The following APBA1 variants were observed in gnomAD, a reference collection of about 807,000 sequenced individuals.
APBA1 encodes amyloid-beta A4 precursor protein-binding family A member 1.
In APBA1, 55 loss-of-function variants were observed where a neutral mutation model predicts 86.6. That is an observed-to-expected ratio of 0.64 (90% CI 0.51 to 0.80). The LOEUF (loss-of-function observed/expected upper bound fraction) is 0.80. Among genes scored for constraint, APBA1 ranks in the 30% least tolerant of loss-of-function variants. APBA1 has a pLI of 0.00. For missense variants in APBA1, 1,090 were observed against 1,183.0 expected, an observed-to-expected ratio of 0.92 and a Z score of 1.15; for synonymous variants, 511 against 493.9, an observed-to-expected ratio of 1.03 and a Z score of -0.46.
intron 10 of APBA1, among the ~76,000 whole-genome samples, chr9:69,444,800 G>A (rs1834881379): frequency 6.6e-6 from 1 of 152,152 alleles, no homozygotes; most frequent in South Asian, 2.1e-4. Context: ...CGAATCACTT[G>A]TCATGTGCCA....
chr9:69,649,418 C>T lies in APBA1; in HGVS notation c.-70+22735G>A, dbSNP rs150392502. 7.1e-3 allele frequency among the ~76,000 whole-genome samples: 1,082 copies of T among 152,276 alleles called. 16 individuals carry two copies. Among genetic ancestry groups the T allele is most frequent in the African/African-American group, 0.025 (1,027 of 41,538 alleles). ...CCACACTGTCTGCTTCAGACACACCCTCTCCCTTCTGCCCAGAGTCACTTA... is the reference window on the plus strand; with the variant it reads ...CCACACTGTCTGCTTCAGACACACCTTCTCCCTTCTGCCCAGAGTCACTTA... On this transcript the variant is annotated intron_variant, in intron 1 of 12. Coordinates refer to ENST00000265381, the MANE Select transcript of APBA1 (RefSeq NM_001163.4).
At chr9:69,625,126 T>C (rs1001164548) in intron 1 of APBA1, among the ~76,000 whole-genome samples, 1 of 152,198 alleles carries the variant, frequency 6.6e-6, no homozygotes, top group African/African-American at 2.4e-5. Flanking sequence ...TTGGGACCAC[T>C]TTCCCCATTC....
chr9:69,492,075 A>G (rs1835722667), intron 2 of APBA1, among the ~76,000 whole-genome samples: 1 of 152,100 alleles, frequency 6.6e-6, no homozygotes. Context: ...GTGCCTTGAA[A>G]TGTTTTTAAT....
In APBA1 at chr9:69,431,290, G is replaced by A. The variant is rs766059612; in HGVS notation, c.*37C>T. ...GCACGAGAAACACAACCACGAAGAG[G>A]AGAGTCCTCCATGCATGCCACCGCG... is the stretch of plus-strand genomic sequence containing the variant. On this transcript the variant is annotated 3_prime_UTR_variant, in exon 13 of 13. Transcript: ENST00000265381. 6.5e-6 allele frequency: 10 copies of A among 1,530,618 alleles called. No homozygotes were observed. The Admixed American group carries it at 1.2e-4, about 18-fold the overall frequency. The allele number at this position is 1,530,618 out of a possible 1,614,324, so 94.8% of individuals were successfully genotyped here. A position where few individuals can be genotyped will look rare whatever the true frequency, so the allele number is the denominator to read the frequency against.
chr9:69,581,653 G>T (rs1821914826), intron 1 of APBA1, among the ~76,000 whole-genome samples: 1 of 152,166 alleles, frequency 6.6e-6, no homozygotes, highest in Non-Finnish European at 1.5e-5. Context: ...GAGTCTTCAG[G>T]AAGAATATTC....
At chr9:69,541,410 A>G (rs932030902) in intron 1 of APBA1, among the ~76,000 whole-genome samples, 1 of 152,174 alleles carries the variant, frequency 6.6e-6, no homozygotes, top group African/African-American at 2.4e-5. Context: ...AACAGGTATG[A>G]GGTGATATCT....
intron 1 of APBA1, among the ~76,000 whole-genome samples, chr9:69,614,744 T>C (rs1822667816): frequency 6.6e-6 from 1 of 152,224 alleles, no homozygotes; most frequent in South Asian, 2.1e-4. Context: ...AGAGCTCTAA[T>C]GAAGAAACTG....
At chr9:69,618,902 GTC>G (rs1452193087) in intron 1 of APBA1, among the ~76,000 whole-genome samples, 4 of 152,204 alleles carry the variant, frequency 2.6e-5, no homozygotes, top group Non-Finnish European at 5.9e-5. Flanking sequence ...TTAGGTCTAA[GTC>G]TCTCAACTTT....
chr9:69,467,980 A>T lies in APBA1; in HGVS notation c.1337-12T>A. 1 of 1,612,690 alleles carries T rather than the reference A, an allele frequency of 6.2e-7. No individual in the cohort carries two copies. Among genetic ancestry groups the T allele is most frequent in the Non-Finnish European group, 8.5e-7 (1 of 1,178,812 alleles). On this transcript the variant is annotated splice_polypyrimidine_tract_variant and intron_variant, in intron 4 of 12. Transcript: ENST00000265381. ...GCAGGGTCCCGGAACTGTAACACATAGAGCCACAGTGAGGAAGCCATCCTG... is the reference window on the plus strand; with the variant it reads ...GCAGGGTCCCGGAACTGTAACACATTGAGCCACAGTGAGGAAGCCATCCTG...
intron 1 of APBA1, among the ~76,000 whole-genome samples, chr9:69,638,461 G>A (rs549000504): frequency 2.6e-5 from 4 of 152,162 alleles, no homozygotes; most frequent in South Asian, 2.1e-4. Flanking sequence ...GGCTGATCTC[G>A]AACTCCAGAC....
At chr9:69,574,579 T>C (rs879579559) in intron 1 of APBA1, among the ~76,000 whole-genome samples, 9 of 152,166 alleles carry the variant, frequency 5.9e-5, no homozygotes, top group African/African-American at 9.7e-5. Context: ...AGGGAACAAA[T>C]GTTTAAACAG....
At chr9:69,527,953 G>A (rs1048815976) in intron 1 of APBA1, among the ~76,000 whole-genome samples, 6 of 151,970 alleles carry the variant, frequency 3.9e-5, no homozygotes, top group Non-Finnish European at 7.4e-5. Flanking sequence ...GGCTGTGAAC[G>A]CTTTTTGATG....
intron 1 of APBA1, among the ~76,000 whole-genome samples, chr9:69,600,389 G>C (rs1822323841): frequency 6.6e-6 from 1 of 152,198 alleles, no homozygotes; most frequent in African/African-American, 2.4e-5. Flanking sequence ...GTTTTTGTGA[G>C]AGTTTGAAAA....
intron 4 of APBA1, 150 bp from the exon 5 acceptor site, chr9:69,468,118 C>G: frequency 1.1e-6 from 1 of 890,706 alleles, no homozygotes; most frequent in South Asian, 1.8e-5. Context: ...CTGTGTCTAT[C>G]TGCACCCACA....
chr9:69,450,715 G>A (rs1431506802), intron 9 of APBA1, among the ~76,000 whole-genome samples: 2 of 152,080 alleles, frequency 1.3e-5, no homozygotes, highest in African/African-American at 4.8e-5. Flanking sequence ...TTGGAGATAA[G>A]GTCTTAGCAG....
At chr9:69,653,014 C>CAAAAAAAA (rs35226509) in intron 1 of APBA1, among the ~76,000 whole-genome samples, 1 of 145,722 alleles carries the variant, frequency 6.9e-6, no homozygotes, top group African/African-American at 2.6e-5. Context: ...CAAAAACAAG[C>CAAAAAAAA]AAAAAAAAAA....
chr9:69,611,031 G>A (rs1189713839), intron 1 of APBA1, among the ~76,000 whole-genome samples: 1 of 151,686 alleles, frequency 6.6e-6, no homozygotes, highest in African/African-American at 2.4e-5. Context: ...ACTGCTTATG[G>A]GATGCCAGTT....
At chr9:69,512,572 T>C (rs1261638618) in intron 2 of APBA1, among the ~76,000 whole-genome samples, 1 of 152,172 alleles carries the variant, frequency 6.6e-6, no homozygotes, top group African/African-American at 2.4e-5. Flanking sequence ...CTGACCATAA[T>C]CACAGTGAGA....
chr9:69,611,136 C>T (rs1822576945), intron 1 of APBA1, among the ~76,000 whole-genome samples: 1 of 151,900 alleles, frequency 6.6e-6, no homozygotes, highest in Non-Finnish European at 1.5e-5. Flanking sequence ...ACAATGTAGA[C>T]ACCTTTTGGA....
Sources: allele counts gnomAD v4.1 joint callset (sites outside exome capture counted in the v4.1 genomes callset), GRCh38; gene constraint gnomAD v4.1.1; transcripts MANE v1.5; gene names NCBI Gene and HGNC (gene_info 2026-07-23, HGNC 2026-07-21).